Variants in TENM2 observed in about 807,000 individuals in gnomAD.
TENM2 encodes teneurin transmembrane protein 2.
A neutral mutation model predicts 245.2 loss-of-function variants in TENM2; 52 were observed. The observed-to-expected ratio is 0.21, with a 90% CI of 0.17 to 0.27. The LOEUF is 0.27. Ranked by LOEUF, TENM2 falls within the 10% of genes least tolerant of loss-of-function variation. The pLI, the probability that TENM2 is intolerant of heterozygous loss-of-function variation, is 1.00. For synonymous variants in TENM2, 1,363 were observed against 1,438.9 expected, an observed-to-expected ratio of 0.95 and a Z score of 1.19; for missense variants, 3,046 against 3,666.8, an observed-to-expected ratio of 0.83 and a Z score of 4.37.
chr5:167,236,239 G>A, the TENM2 span, among the ~76,000 whole-genome samples: 1 of 152,140 alleles, frequency 6.6e-6, no homozygotes, highest in Non-Finnish European at 1.5e-5. Flanking sequence ...TTAATGCCAA[G>A]CATAATGCCT....
chr5:167,255,763 A>G, the TENM2 span, among the ~76,000 whole-genome samples: 2 of 152,196 alleles, frequency 1.3e-5, no homozygotes, highest in African/African-American at 4.8e-5. Flanking sequence ...AGAATATGTC[A>G]GTGCTGGTTT....
intron 2 of TENM2, among the ~76,000 whole-genome samples, chr5:167,811,185 C>T (rs1766610608): frequency 6.6e-6 from 1 of 152,070 alleles, no homozygotes; most frequent in African/African-American, 2.4e-5. Flanking sequence ...GCAAATCCTA[C>T]CTGAAACCTA....
chr5:167,199,397 TGC>T, the TENM2 span, among the ~76,000 whole-genome samples: 1 of 152,138 alleles, frequency 6.6e-6, no homozygotes, highest in African/African-American at 2.4e-5. Flanking sequence ...GGATCAAATT[TGC>T]GGTCAACTTC....
the TENM2 span, among the ~76,000 whole-genome samples, chr5:167,275,507 A>AT: frequency 1.3e-5 from 2 of 152,042 alleles, no homozygotes; most frequent in Non-Finnish European, 2.9e-5. Context: ...ATGTCTCTCC[A>AT]TTTATTTAGA....
At chr5:168,082,726 CCT>C (rs1249365784) in intron 7 of TENM2, among the ~76,000 whole-genome samples, 1 of 152,146 alleles carries the variant, frequency 6.6e-6, no homozygotes, top group Non-Finnish European at 1.5e-5. Context: ...CACTCCAGAC[CCT>C]GTTTGCCTGG....
At chr5:167,661,387 A>T (rs542042246) in intron 2 of TENM2, among the ~76,000 whole-genome samples, 1 of 152,312 alleles carries the variant, frequency 6.6e-6, no homozygotes, top group African/African-American at 2.4e-5. Context: ...GGGTTAAGAA[A>T]ATCTATTTTT....
intron 2 of TENM2, among the ~76,000 whole-genome samples, chr5:167,425,482 C>T (rs961381791): frequency 1.2e-4 from 19 of 152,136 alleles, no homozygotes; most frequent in African/African-American, 4.6e-4. Context: ...TATCCAAATG[C>T]AAATTTCAAT....
rs1458782856 is a variant in TENM2, at chr5:168,115,408, G to GGAAGGAAGGAAGGAAGGAA, written c.1814-2883_1814-2882insAAGGAAGGAAGGAAGGAAG. On this transcript the variant is annotated intron_variant, in intron 9 of 28. Transcript: ENST00000518659. ...AGGAAGGAAGGAAGGAAGGAAGGAA[G>GGAAGGAAGGAAGGAAGGAA]GGAAAGGAAAGGAAGGAAAGAAAAA... 1.3e-3 allele frequency among the ~76,000 whole-genome samples: 154 copies of GGAAGGAAGGAAGGAAGGAA among 122,962 alleles called. 4 individuals carry two copies. Among genetic ancestry groups the GGAAGGAAGGAAGGAAGGAA allele is most frequent in the South Asian group, 2.0e-3 (7 of 3,518 alleles). 80.7% of individuals were successfully genotyped at this position (122,962 alleles called of 152,430 possible).
At chr5:166,980,950 C>T in the TENM2 span, among the ~76,000 whole-genome samples, 29 of 152,256 alleles carry the variant, frequency 1.9e-4, no homozygotes, top group Admixed American at 3.9e-4. Context: ...GCCAAGAATA[C>T]GTTTGCAATA....
chr5:167,886,360 C>T (rs1774290193), intron 3 of TENM2, among the ~76,000 whole-genome samples: 1 of 152,002 alleles, frequency 6.6e-6, no homozygotes, highest in South Asian at 2.1e-4. Context: ...ACCGCATGGC[C>T]CAGCTCTGAA....
intron 9 of TENM2, among the ~76,000 whole-genome samples, chr5:168,103,136 G>T (rs913983196): frequency 1.3e-5 from 2 of 151,874 alleles, no homozygotes; most frequent in Non-Finnish European, 2.9e-5. Flanking sequence ...GCGGTGTTTG[G>T]TTTTTTGTCC....
intron 2 of TENM2, among the ~76,000 whole-genome samples, chr5:167,536,388 C>T (rs1314565917): frequency 6.6e-6 from 1 of 151,994 alleles, no homozygotes; most frequent in East Asian, 1.9e-4. Flanking sequence ...CAAACTTATT[C>T]TATAAAGGGC....
intron 1 of TENM2, among the ~76,000 whole-genome samples, chr5:167,329,677 G>T (rs1757319067): frequency 6.6e-6 from 1 of 151,128 alleles, no homozygotes. Context: ...GGAAAAATCT[G>T]TTGAGGAAAT....
chr5:167,567,490 A>T (rs185520978), intron 2 of TENM2, among the ~76,000 whole-genome samples: 2 of 152,188 alleles, frequency 1.3e-5, no homozygotes, highest in East Asian at 3.9e-4. Context: ...AAGAGACCCT[A>T]TAGAATTGAG....
At chr5:167,532,812 ATGTG>A (rs1018346866) in intron 2 of TENM2, among the ~76,000 whole-genome samples, 1 of 114,312 alleles carries the variant, frequency 8.7e-6, no homozygotes, top group African/African-American at 3.0e-5. Flanking sequence ...ATTTGTGTGT[ATGTG>A]TGTGTGTGTG....
intron 3 of TENM2, among the ~76,000 whole-genome samples, chr5:167,938,788 C>T (rs1186849017): frequency 2.0e-5 from 3 of 152,016 alleles, no homozygotes; most frequent in Non-Finnish European, 2.9e-5. Flanking sequence ...ACTAAAAATA[C>T]AAAAATTAGC....
At position 168,248,026 on chromosome 5, in the gene TENM2, G is replaced by A. The variant is rs182480158; in HGVS notation, c.7087G>A (p.Glu2363Lys). ...CTTTGCCATGGAGAGCAGCAGTGGG[G>A]AGGAGTACTATGTTGCCTCTGATAA... Residue 2363 changes from glutamate (E) to lysine (K), a missense_variant, in exon 27 of 29, where the codon GAG becomes AAG. Glu to Lys is a moderately conservative substitution (Grantham distance 56). Transcript: ENST00000518659. 1,180 of 1,614,016 alleles carry A rather than the reference G, an allele frequency of 7.3e-4. 6 individuals are homozygous for A. The highest frequency in any genetic ancestry group is 3.8e-3 in the South Asian group (348 of 91,086).
chr5:167,309,437 A>T (rs762449000), intron 1 of TENM2, among the ~76,000 whole-genome samples: 1 of 152,236 alleles, frequency 6.6e-6, no homozygotes, highest in African/African-American at 2.4e-5. Context: ...TTTTCAACGT[A>T]TGATGGGTTT....
intron 2 of TENM2, among the ~76,000 whole-genome samples, chr5:167,862,310 C>A (rs943184551): frequency 1.3e-5 from 2 of 151,870 alleles, no homozygotes; most frequent in Non-Finnish European, 2.9e-5. Context: ...CATATAACAG[C>A]AACTTGTTGG....
Sources: allele counts gnomAD v4.1 joint callset (sites outside exome capture counted in the v4.1 genomes callset), GRCh38; gene constraint gnomAD v4.1.1; transcripts MANE v1.5; gene names NCBI Gene and HGNC (gene_info 2026-07-23, HGNC 2026-07-21).